FSTL5: variants seen among roughly 807,000 people sequenced by gnomAD.
FSTL5 encodes follistatin like 5.
In FSTL5, 62 loss-of-function variants were observed where a neutral mutation model predicts 89.1. The ratio of observed to expected loss-of-function variants is 0.70; its 90% CI spans 0.57 to 0.86. The LOEUF is 0.86. FSTL5 is among the 40% of genes least tolerant of loss of function. The pLI, the probability that FSTL5 is intolerant of heterozygous loss-of-function variation, is 0.00. For synonymous variants in FSTL5, 383 were observed against 346.2 expected (o/e 1.11, Z -1.18); for missense variants, 1,057 against 1,001.6 (o/e 1.06, Z -0.75).
rs756649064 is a variant in FSTL5, at chr4:161,776,058, A to T, written c.426T>A (p.Thr142=). ...TATTTTTCATCTTGCTGTATTCAGTAGTCTTGCACTTATCTCCTGTAACAA... is the reference window on the plus strand; with the variant it reads ...TATTTTTCATCTTGCTGTATTCAGTTGTCTTGCACTTATCTCCTGTAACAA... The part of the protein sequence containing the change: ...DCFFKGDKCK[T]TEYSKMKNML... Residue 142 remains threonine, a synonymous_variant, in exon 5 of 16, where the codon ACT becomes ACA. Coordinates refer to ENST00000306100, the MANE Select transcript of FSTL5 (RefSeq NM_020116.5). 1 of 1,514,644 alleles carries T rather than the reference A, an allele frequency of 6.6e-7. No homozygotes were observed. The highest frequency in any genetic ancestry group is 2.4e-5 in the East Asian group (1 of 42,316). The allele number at this position is 1,514,644 out of a possible 1,614,324, so 93.8% of individuals were successfully genotyped here. A position where few individuals can be genotyped will look rare whatever the true frequency, so the allele number is the denominator to read the frequency against.
Position 161,685,970 on chromosome 4 carries a change from C to T in FSTL5, c.728-29476G>A, listed in dbSNP as rs147626018. 1.7e-3 allele frequency among the ~76,000 whole-genome samples: 256 copies of T among 151,920 alleles called. 4 individuals are homozygous for T. Among genetic ancestry groups the T allele is most frequent in the Middle Eastern group, 3.4e-3 (1 of 292 alleles). On this transcript the variant is annotated intron_variant, in intron 6 of 15. Coordinates refer to ENST00000306100, the MANE Select transcript of FSTL5 (RefSeq NM_020116.5). ...GCTGAGAGTTTTAATCATAAAGAAA[C>T]GCTGGATTTTGTCAAATGCTTTTTC...
chr4:161,458,057 G>A (rs1016286917), intron 14 of FSTL5, among the ~76,000 whole-genome samples: 12 of 152,110 alleles, frequency 7.9e-5, no homozygotes, highest in Admixed American at 6.5e-5. Flanking sequence ...CAGTGTGAGC[G>A]TCACATGCAG....
At chr4:161,894,874 C>A (rs1172141486) in intron 4 of FSTL5, among the ~76,000 whole-genome samples, 2 of 152,198 alleles carry the variant, frequency 1.3e-5, no homozygotes, top group Admixed American at 6.5e-5. Context: ...TTATTTTCTT[C>A]AAGAATGTGC....
chr4:161,598,560 A>G (rs1734117137), intron 7 of FSTL5, among the ~76,000 whole-genome samples: 1 of 152,140 alleles, frequency 6.6e-6, no homozygotes, highest in Admixed American at 6.5e-5. Context: ...TAAAACTAAG[A>G]TGAAGTGATG....
intron 8 of FSTL5, among the ~76,000 whole-genome samples, chr4:161,569,510 A>G (rs907151472): frequency 6.6e-6 from 1 of 152,124 alleles, no homozygotes; most frequent in African/African-American, 2.4e-5. Context: ...AAAGCCTAAG[A>G]CAGCAATTAC....
intron 4 of FSTL5, among the ~76,000 whole-genome samples, chr4:161,841,546 A>G (rs892054566): frequency 3.3e-5 from 5 of 152,202 alleles, no homozygotes; most frequent in African/African-American, 1.2e-4. Context: ...TTTATTGAGT[A>G]GCTTTCTAGG....
intron 11 of FSTL5, among the ~76,000 whole-genome samples, chr4:161,505,397 GT>G (rs1233194791): frequency 6.6e-6 from 1 of 152,252 alleles, no homozygotes; most frequent in African/African-American, 2.4e-5. Flanking sequence ...TTGCTAGAAA[GT>G]TTTTTAGGAG....
intron 6 of FSTL5, among the ~76,000 whole-genome samples, chr4:161,675,320 T>A (rs1737265009): frequency 6.6e-6 from 1 of 151,790 alleles, no homozygotes; most frequent in Admixed American, 6.6e-5. Flanking sequence ...ACATCATATT[T>A]TCTACTAATA....
At chr4:161,534,844 A>T (rs950182856) in intron 10 of FSTL5, among the ~76,000 whole-genome samples, 1 of 152,178 alleles carries the variant, frequency 6.6e-6, no homozygotes, top group Non-Finnish European at 1.5e-5. Flanking sequence ...GACAGTAAAC[A>T]AAACAGCATG....
At chr4:161,872,731 A>C (rs2126901726) in intron 4 of FSTL5, among the ~76,000 whole-genome samples, 1 of 152,328 alleles carries the variant, frequency 6.6e-6, no homozygotes, top group African/African-American at 2.4e-5. Flanking sequence ...TTAAACAGAA[A>C]GAATATACAG....
intron 4 of FSTL5, among the ~76,000 whole-genome samples, chr4:161,886,195 C>T (rs1732801878): frequency 6.6e-6 from 1 of 152,110 alleles, no homozygotes; most frequent in South Asian, 2.1e-4. Flanking sequence ...TAGGGAGCAG[C>T]TTCCTGTGTC....
intron 13 of FSTL5, among the ~76,000 whole-genome samples, chr4:161,467,738 T>C (rs955844843): frequency 1.3e-5 from 2 of 152,136 alleles, no homozygotes; most frequent in Non-Finnish European, 2.9e-5. Flanking sequence ...TAAGGGTGTG[T>C]TATTTCACCC....
At chr4:161,933,066 G>T (rs763473897) in intron 3 of FSTL5, among the ~76,000 whole-genome samples, 8 of 151,988 alleles carry the variant, frequency 5.3e-5, no homozygotes, top group Admixed American at 2.0e-4. Flanking sequence ...TGTGTAAATT[G>T]CTTAGATAAT....
chr4:161,472,940 G>C (rs547439845), intron 13 of FSTL5, among the ~76,000 whole-genome samples: 1 of 152,022 alleles, frequency 6.6e-6, no homozygotes, highest in African/African-American at 2.4e-5. Flanking sequence ...GGCCAGGATC[G>C]TCTCGATCTC....
rs192175070 is a variant in FSTL5 at position 161,823,819 on chromosome 4, T to C, written c.410-47745A>G. 9.8e-5 allele frequency among the ~76,000 whole-genome samples: 15 copies of C among 152,296 alleles called. No homozygotes were observed. In the East Asian group the frequency reaches 2.5e-3, roughly 26 times the overall value. ...GTTTGTTGGCCATTTGTATATCTTA[T>C]TGTGAGAATTCATGTCCTTAGCCCA... is the stretch of plus-strand genomic sequence containing the variant. On this transcript the variant is annotated intron_variant, in intron 4 of 15. Coordinates refer to ENST00000306100, the MANE Select transcript of FSTL5 (RefSeq NM_020116.5).
intron 11 of FSTL5, among the ~76,000 whole-genome samples, chr4:161,503,016 A>T (rs1448196263): frequency 1.3e-5 from 2 of 151,634 alleles, no homozygotes; most frequent in African/African-American, 2.4e-5. Context: ...TATGACAAAG[A>T]GGGATGATAA....
In FSTL5 at chr4:161,460,685, T is replaced by C. The variant is rs143145548; in HGVS notation, c.1609-1366A>G. On this transcript the variant is annotated intron_variant, in intron 13 of 15. Transcript: ENST00000306100. ...CATTTTGCCTATTTAACATTCTCAGTATTCTTGGATTACTGGAATAATTAT... is the reference window on the plus strand; with the variant it reads ...CATTTTGCCTATTTAACATTCTCAGCATTCTTGGATTACTGGAATAATTAT... 5.5e-3 allele frequency among the ~76,000 whole-genome samples: 841 copies of C among 152,302 alleles called. 11 individuals carry two copies. Among genetic ancestry groups the C allele is most frequent in the Middle Eastern group, 0.014 (4 of 294 alleles).
intron 6 of FSTL5, among the ~76,000 whole-genome samples, chr4:161,666,006 G>C (rs1736880615): frequency 6.6e-6 from 1 of 152,056 alleles, no homozygotes; most frequent in Non-Finnish European, 1.5e-5. Context: ...GAAAGATTTT[G>C]TTAACAAGAC....
intron 9 of FSTL5, among the ~76,000 whole-genome samples, chr4:161,540,580 C>A (rs1315657260): frequency 6.6e-6 from 1 of 152,030 alleles, no homozygotes; most frequent in African/African-American, 2.4e-5. Flanking sequence ...TTCTATGACT[C>A]TTCCTGCAGG....
Sources: allele counts gnomAD v4.1 joint callset (sites outside exome capture counted in the v4.1 genomes callset), GRCh38; gene constraint gnomAD v4.1.1; transcripts MANE v1.5; gene names NCBI Gene and HGNC (gene_info 2026-07-23, HGNC 2026-07-21).